The following STT3B variants were observed in gnomAD, a reference collection of about 807,000 sequenced individuals.
STT3B encodes the protein dolichyl-diphosphooligosaccharide--protein glycosyltransferase subunit STT3B.
A neutral mutation model predicts 96.8 loss-of-function variants in STT3B; 29 were observed. The ratio of observed to expected loss-of-function variants is 0.30; its 90% CI spans 0.22 to 0.41. The LOEUF (loss-of-function observed/expected upper bound fraction) is 0.41. Ranked by LOEUF, STT3B falls within the 10% of genes least tolerant of loss-of-function variation. STT3B has a pLI of 1.00. For synonymous variants in STT3B, 367 were observed against 360.0 expected (o/e 1.02, Z -0.22); for missense variants, 640 against 1,022.3 (o/e 0.63, Z 5.10).
At position 31,533,652 on chromosome 3, in the gene STT3B, G is replaced by C. The variant is rs149742055; in HGVS notation, c.314+340G>C. 5.6e-3 allele frequency: 978 copies of C among 174,674 alleles called. 1 individual carries two copies. The highest frequency in any genetic ancestry group is 9.4e-3 in the Non-Finnish European group (784 of 83,324). The allele number at this position is 174,674 out of a possible 1,614,324, so 10.8% of individuals were successfully genotyped here. On this transcript the variant is annotated intron_variant, in intron 1 of 15. Coordinates refer to ENST00000295770, the MANE Select transcript of STT3B (RefSeq NM_178862.3). ...CAGTCCCTCGCAGCCCGCTTTGGTCGCTGAGTCCGGACCCGCCACGCCAGG... is the reference window on the plus strand; with the variant it reads ...CAGTCCCTCGCAGCCCGCTTTGGTCCCTGAGTCCGGACCCGCCACGCCAGG...
intron 5 of STT3B, among the ~76,000 whole-genome samples, chr3:31,607,339 C>A (rs1231893353): frequency 6.6e-6 from 1 of 152,052 alleles, no homozygotes; most frequent in Non-Finnish European, 1.5e-5. Flanking sequence ...GGCTGTGTCC[C>A]CACCCAAATC....
At chr3:31,609,532 G>GT (rs1295783077) in intron 5 of STT3B, among the ~76,000 whole-genome samples, 3 of 152,034 alleles carry the variant, frequency 2.0e-5, no homozygotes, top group Non-Finnish European at 4.4e-5. Context: ...GTTTAGATTT[G>GT]TTTTTTCATT....
intron 1 of STT3B, among the ~76,000 whole-genome samples, chr3:31,575,347 G>A (rs537260150): frequency 6.6e-6 from 1 of 151,612 alleles, no homozygotes; most frequent in East Asian, 1.9e-4. Context: ...TATAACTCTG[G>A]GTTATATTAA....
chr3:31,575,883 T>C (rs1575422103), intron 1 of STT3B, among the ~76,000 whole-genome samples: 5 of 151,988 alleles, frequency 3.3e-5, no homozygotes, highest in Admixed American at 3.3e-4. Flanking sequence ...TTTTGGGCCC[T>C]GGTTTCTTCA....
chr3:31,635,330 T>G (rs933262860), intron 15 of STT3B, among the ~76,000 whole-genome samples: 1 of 152,230 alleles, frequency 6.6e-6, no homozygotes, highest in African/African-American at 2.4e-5. Flanking sequence ...TTTCCGGTAA[T>G]TTGTTTCTAA....
chr3:31,613,048 G>GA (rs1699220138), intron 5 of STT3B, among the ~76,000 whole-genome samples: 1 of 152,132 alleles, frequency 6.6e-6, no homozygotes, highest in South Asian at 2.1e-4. Context: ...CCATGGGCTG[G>GA]AAATAGGACA....
chr3:31,533,332 T>TC lies in STT3B; in HGVS notation c.314+25dup. The stretch of plus-strand genomic sequence containing the variant: ...CCCGTGGTAAGTGCCTCGCCGCCCC[T>TC]CCCCCGCCCGTGGCCCGCGGGGAAC... On this transcript the variant is annotated intron_variant, in intron 1 of 15. Transcript: ENST00000295770. The TC allele has an allele frequency of 1.3e-6, 2 of 1,489,318 alleles. No individual in the cohort carries two copies. The highest frequency in any genetic ancestry group is 2.1e-5 in the Admixed American group (1 of 46,802). The allele number at this position is 1,489,318 out of a possible 1,614,324, so 92.3% of individuals were successfully genotyped here. A position where few individuals can be genotyped will look rare whatever the true frequency, so the allele number is the denominator to read the frequency against.
At chr3:31,628,786 G>T (rs181336967) in intron 13 of STT3B, among the ~76,000 whole-genome samples, 1 of 152,258 alleles carries the variant, frequency 6.6e-6, no homozygotes, top group Admixed American at 6.5e-5. Flanking sequence ...AGCCTTACCT[G>T]GTATTAAGCC....
intron 2 of STT3B, among the ~76,000 whole-genome samples, chr3:31,578,585 A>G (rs916625757): frequency 6.6e-6 from 1 of 151,820 alleles, no homozygotes; most frequent in Non-Finnish European, 1.5e-5. Context: ...AGTATTGCTG[A>G]CAAAATTACA....
chr3:31,543,546 T>C (rs1159987992), intron 1 of STT3B, among the ~76,000 whole-genome samples: 1 of 152,204 alleles, frequency 6.6e-6, no homozygotes, highest in Non-Finnish European at 1.5e-5. Flanking sequence ...ATAATAGTAA[T>C]AGTACAGTAA....
chr3:31,533,615 G>A, intron 1 of STT3B: 1 of 215,250 alleles, frequency 4.6e-6, no homozygotes, highest in Non-Finnish European at 9.0e-6. Flanking sequence ...GCAGCCGCCG[G>A]GAGTGTGGGT....
chr3:31,594,587 G>A (rs745744966), intron 3 of STT3B, among the ~76,000 whole-genome samples: 1 of 151,846 alleles, frequency 6.6e-6, no homozygotes, highest in African/African-American at 2.4e-5. Flanking sequence ...GCACCACCAC[G>A]CTCAGCTAAT....
At position 31,532,932 on chromosome 3, in the gene STT3B, C is replaced by A; in HGVS notation, c.-67C>A. 1 of 1,521,752 alleles carries A rather than the reference C, an allele frequency of 6.6e-7. No individual in the cohort carries two copies. The highest frequency in any genetic ancestry group is 8.8e-7 in the Non-Finnish European group (1 of 1,137,644). 94.3% of individuals were successfully genotyped at this position (1,521,752 alleles called of 1,614,324 possible). On this transcript the variant is annotated 5_prime_UTR_variant, in exon 1 of 16. Coordinates refer to ENST00000295770, the MANE Select transcript of STT3B (RefSeq NM_178862.3). ...CTCCTCCTCCTCCTCCGGGTCCCCG[C>A]CCAGCACCCCTCGCACCAGGCGGCG...
intron 13 of STT3B, among the ~76,000 whole-genome samples, chr3:31,627,927 AAG>A: frequency 6.6e-6 from 1 of 152,284 alleles, no homozygotes; most frequent in East Asian, 1.9e-4. Flanking sequence ...AGTAAAGTAT[AAG>A]AGGATATACA....
intron 12 of STT3B, 66 bp downstream of exon 12, chr3:31,625,151 G>C: frequency 2.1e-6 from 3 of 1,416,628 alleles, no homozygotes; most frequent in Non-Finnish European, 2.9e-6. Context: ...GGCTTCACTT[G>C]TGACTAAATA....
Position 31,579,823 on chromosome 3 carries a change from G to A in STT3B, c.438G>A (p.Leu146=), listed in dbSNP as rs1698344768. 1 of 1,611,658 alleles carries A rather than the reference G, an allele frequency of 6.2e-7. No individual in the cohort carries two copies. Among genetic ancestry groups the A allele is most frequent in the African/African-American group, 1.3e-5 (1 of 74,948 alleles). ...RIVGGTVYPG[L]MITAGLIHWI... is the part of the protein sequence containing the mutation. ...TTTCTTCCTAGGTTTACCCAGGGTT[G>A]ATGATAACCGCTGGCCTTATTCATT... The change falls in exon 3 of 16, where the codon TTG becomes TTA. Residue 146 remains leucine (L), a synonymous_variant. Coordinates refer to ENST00000295770, the MANE Select transcript of STT3B (RefSeq NM_178862.3).
At chr3:31,611,043 A>G (rs1376831666) in intron 5 of STT3B, among the ~76,000 whole-genome samples, 1 of 152,190 alleles carries the variant, frequency 6.6e-6, no homozygotes, top group Non-Finnish European at 1.5e-5. Flanking sequence ...ACATGGATGG[A>G]TAGAAAATTG....
At chr3:31,583,469 C>CT (rs1367155324) in intron 3 of STT3B, among the ~76,000 whole-genome samples, 8 of 152,112 alleles carry the variant, frequency 5.3e-5, no homozygotes, top group African/African-American at 1.7e-4. Context: ...CACACCCTGC[C>CT]TTTTTTTGTT....
At chr3:31,597,791 AT>A (rs1698824914) in intron 4 of STT3B, among the ~76,000 whole-genome samples, 1 of 149,972 alleles carries the variant, frequency 6.7e-6, no homozygotes, top group African/African-American at 2.4e-5. Context: ...TTTAAATATT[AT>A]TTTTCTATTC....
Sources: allele counts gnomAD v4.1 joint callset (sites outside exome capture counted in the v4.1 genomes callset), GRCh38; gene constraint gnomAD v4.1.1; transcripts MANE v1.5; gene names NCBI Gene and HGNC (gene_info 2026-07-23, HGNC 2026-07-21).